The following DNAJC6 variants were observed in gnomAD, a reference collection of about 807,000 sequenced individuals.
DNAJC6 encodes the protein DnaJ heat shock protein family (Hsp40) member C6.
A neutral mutation model predicts 110.0 loss-of-function variants in DNAJC6; 34 were observed. The ratio of observed to expected loss-of-function variants is 0.31; its 90% CI spans 0.24 to 0.41. The LOEUF (loss-of-function observed/expected upper bound fraction) is 0.41. DNAJC6 is among the 10% of genes least tolerant of loss of function. The pLI is 1.00. For synonymous variants in DNAJC6, 406 were observed against 437.2 expected (o/e 0.93, Z 0.89); for missense variants, 1,031 against 1,207.8 (o/e 0.85, Z 2.17).
intron 1 of DNAJC6, among the ~76,000 whole-genome samples, chr1:65,344,649 T>C (rs942241197): frequency 6.6e-6 from 1 of 152,206 alleles, no homozygotes; most frequent in Non-Finnish European, 1.5e-5. Context: ...TAATGAGCCC[T>C]CATGCCAAGA....
intron 5 of DNAJC6, among the ~76,000 whole-genome samples, chr1:65,380,987 C>T (rs576056043): frequency 7.5e-6 from 1 of 132,470 alleles, no homozygotes; most frequent in East Asian, 2.5e-4. Flanking sequence ...GGCACAATCT[C>T]GGCTCACTGC....
chr1:65,371,599 A>G (rs6588137), intron 4 of DNAJC6, among the ~76,000 whole-genome samples: 103,340 of 152,126 alleles, frequency 0.68, 36,264 homozygotes, highest in African/African-American at 0.87. Flanking sequence ...CTGTAGAAGC[A>G]TTCATTCCTA....
At chr1:65,281,914 A>C (rs1009035438) in intron 1 of DNAJC6, among the ~76,000 whole-genome samples, 3 of 151,876 alleles carry the variant, frequency 2.0e-5, no homozygotes, top group African/African-American at 7.3e-5. Flanking sequence ...AGCCCTGTTT[A>C]AAATTTTTAT....
chr1:65,380,916 G>GTTTTTTTTTTTTTTT lies in DNAJC6; in HGVS notation c.666+1396_666+1397insTTTTTTTTTTTTTTT, dbSNP rs796797174. Among the ~76,000 whole-genome samples the GTTTTTTTTTTTTTTT allele has an allele frequency of 3.6e-4, 34 of 93,518 alleles. 5 individuals are homozygous for GTTTTTTTTTTTTTTT. Among genetic ancestry groups the GTTTTTTTTTTTTTTT allele is most frequent in the African/African-American group, 1.4e-3 (21 of 15,042 alleles). 61.4% of individuals were successfully genotyped at this position (93,518 alleles called of 152,430 possible). ...TTTTTTTTTTTTTGTTTTTTGTTTT[G>GTTTTTTTTTTTTTTT]TTTTGTTTTTTTTTTTTTTTTGGGA... On this transcript the variant is annotated intron_variant, in intron 5 of 18. Coordinates refer to ENST00000371069, the MANE Select transcript of DNAJC6 (RefSeq NM_001256864.2).
chr1:65,356,085 A>G (rs1645540778), intron 1 of DNAJC6, among the ~76,000 whole-genome samples: 1 of 152,066 alleles, frequency 6.6e-6, no homozygotes, highest in African/African-American at 2.4e-5. Flanking sequence ...AAGCTGACAT[A>G]AAGCCTGTAT....
intron 4 of DNAJC6, among the ~76,000 whole-genome samples, chr1:65,375,539 C>G (rs1645753977): frequency 6.6e-6 from 1 of 151,882 alleles, no homozygotes; most frequent in Admixed American, 6.6e-5. Context: ...CATTCTTCTG[C>G]GTCAGCCTCC....
intron 5 of DNAJC6, among the ~76,000 whole-genome samples, chr1:65,380,890 G>A (rs1385673870): frequency 8.4e-6 from 1 of 118,758 alleles, no homozygotes; most frequent in Non-Finnish European, 1.7e-5. Flanking sequence ...GGGGGAGGGA[G>A]TTTTTTTTTT....
intron 1 of DNAJC6, among the ~76,000 whole-genome samples, chr1:65,271,870 CA>C (rs61066958): frequency 0.75 from 99,766 of 133,126 alleles, 36,655 homozygotes; most frequent in East Asian, 0.93. Flanking sequence ...GACTCCATCT[CA>C]AAAAAAAAAA....
Position 65,386,716 on chromosome 1 carries a change from T to C in DNAJC6, c.996-96T>C, listed in dbSNP as rs571930878. On this transcript the variant is annotated intron_variant, in intron 7 of 18. Transcript: ENST00000371069. ...TCTGGGTCCGGGCCTGGGCGAACAG[T>C]CCTCTGGGCCAGAGCCATAGAGAAC... The C allele has an allele frequency of 5.6e-6, 6 of 1,079,984 alleles. No individual in the cohort carries two copies. The East Asian group carries it at 1.4e-4, about 26-fold the overall frequency. The allele number at this position is 1,079,984 out of a possible 1,614,324, so 66.9% of individuals were successfully genotyped here.
intron 5 of DNAJC6, among the ~76,000 whole-genome samples, chr1:65,380,911 G>GTTTTTTTTTTTTTTTTTTTTTTTTTTTT (rs1312055301): frequency 8.7e-5 from 10 of 114,898 alleles, no homozygotes; most frequent in African/African-American, 3.9e-4. Context: ...TTTGTTTTTT[G>GTTTTTTTTTTTTTTTTTTTTTTTTTTTT]TTTTGTTTTG....
intron 15 of DNAJC6, among the ~76,000 whole-genome samples, chr1:65,404,423 GT>G (rs905653057): frequency 6.6e-6 from 1 of 152,034 alleles, no homozygotes; most frequent in Non-Finnish European, 1.5e-5. Context: ...AAAGGAGTGA[GT>G]TTTTTTTACC....
chr1:65,404,747 A>G (rs142536036), intron 15 of DNAJC6, among the ~76,000 whole-genome samples: 57 of 152,292 alleles, frequency 3.7e-4, no homozygotes, highest in Admixed American at 7.8e-4. Context: ...AGCAATTAGG[A>G]GAGGAATTAA....
At chr1:65,292,785 C>T (rs1372287406) in intron 1 of DNAJC6, among the ~76,000 whole-genome samples, 1 of 152,056 alleles carries the variant, frequency 6.6e-6, no homozygotes, top group Non-Finnish European at 1.5e-5. Flanking sequence ...GAGATAACCA[C>T]CCCCAAAATT....
Position 65,392,877 on chromosome 1 carries a change from T to A in DNAJC6, c.1903+12T>A. The A allele has an allele frequency of 6.7e-7, 1 of 1,494,276 alleles. No homozygotes were observed. Among genetic ancestry groups the A allele is most frequent in the Non-Finnish European group, 8.9e-7 (1 of 1,121,874 alleles). The allele number at this position is 1,494,276 out of a possible 1,614,324, so 92.6% of individuals were successfully genotyped here. ...AAGAGTGGGAGAAGGTAATTTTTTCTATGTTGCACTGTGCCTCTCAGATTT... is the reference window on the plus strand; with the variant it reads ...AAGAGTGGGAGAAGGTAATTTTTTCAATGTTGCACTGTGCCTCTCAGATTT... On this transcript the variant is annotated intron_variant, in intron 12 of 18. Transcript: ENST00000371069.
chr1:65,401,774 G>C lies in DNAJC6; in HGVS notation c.2121G>C (p.Met707Ile). 2 of 1,612,634 alleles carry C rather than the reference G, an allele frequency of 1.2e-6. No individual in the cohort carries two copies. The highest frequency in any genetic ancestry group is 1.1e-5 in the South Asian group (1 of 90,894). The change falls in exon 15 of 19, where the codon ATG (methionine) becomes ATC (isoleucine). Residue 707 changes from methionine (M) to isoleucine (I), a missense_variant. By Grantham distance (10) the Met-to-Ile change is conservative. Coordinates refer to ENST00000371069, the MANE Select transcript of DNAJC6 (RefSeq NM_001256864.2). ...DWHAKPGGFG[M>I]GSKSAATSPT... The stretch of plus-strand genomic sequence containing the variant: ...TTTCCTTTTCAGGAGGCTTTGGAAT[G>C]GGAAGCAAGTCAGCTGCCACCAGCC...
intron 4 of DNAJC6, among the ~76,000 whole-genome samples, chr1:65,372,272 C>A (rs1006264528): frequency 6.6e-6 from 1 of 151,564 alleles, no homozygotes; most frequent in Non-Finnish European, 1.5e-5. Flanking sequence ...CTAAAAAAAA[C>A]CCAATAAAAT....
rs1290594570 is a variant in DNAJC6, at chr1:65,309,602, G to C, written c.-144G>C. ...CGCCCGGCGAAGCTTCTCTCCGGTGGCCGCTCCTTCTTTTCCCTCCTCTTT... is the reference window on the plus strand; with the variant it reads ...CGCCCGGCGAAGCTTCTCTCCGGTGCCCGCTCCTTCTTTTCCCTCCTCTTT... On this transcript the variant is annotated 5_prime_UTR_variant, in exon 1 of 19. Transcript: ENST00000371069. The C allele has an allele frequency of 3.7e-6, 5 of 1,334,846 alleles. No individual in the cohort carries two copies. The highest frequency in any genetic ancestry group is 4.8e-6 in the Non-Finnish European group (5 of 1,048,662). The allele number at this position is 1,334,846 out of a possible 1,614,324, so 82.7% of individuals were successfully genotyped here. A position where few individuals can be genotyped will look rare whatever the true frequency, so the allele number is the denominator to read the frequency against.
intron 1 of DNAJC6, among the ~76,000 whole-genome samples, chr1:65,358,737 G>A (rs973613260): frequency 8.5e-5 from 13 of 152,070 alleles, no homozygotes; most frequent in South Asian, 2.1e-4. Context: ...ACCATATGGC[G>A]TTATTAGAGA....
At chr1:65,319,482 A>G (rs1413916851) in intron 1 of DNAJC6, among the ~76,000 whole-genome samples, 1 of 152,220 alleles carries the variant, frequency 6.6e-6, no homozygotes. Flanking sequence ...CGGTGTCTGT[A>G]TCGGGTGGCC....
Sources: allele counts gnomAD v4.1 joint callset (sites outside exome capture counted in the v4.1 genomes callset), GRCh38; gene constraint gnomAD v4.1.1; transcripts MANE v1.5; gene names NCBI Gene and HGNC (gene_info 2026-07-23, HGNC 2026-07-21).